The following ABHD17B variants were observed in gnomAD, a reference collection of about 807,000 sequenced individuals.
ABHD17B encodes the protein abhydrolase domain containing 17B, depalmitoylase, also known as alpha/beta hydrolase domain-containing protein 17B.
Under a neutral mutation model 26.2 loss-of-function variants are expected in ABHD17B, and 9 were observed. The ratio of observed to expected loss-of-function variants is 0.34; its 90% CI spans 0.21 to 0.60. ABHD17B has a LOEUF of 0.60. Among genes scored for constraint, ABHD17B ranks in the 20% least tolerant of loss-of-function variants. ABHD17B has a pLI of 0.80. For missense variants in ABHD17B, 224 were observed against 352.1 expected (o/e 0.64, Z 2.91); for synonymous variants, 127 against 122.3 (o/e 1.04, Z -0.25).
At chr9:71,875,230 CT>C (rs5898234) in intron 1 of ABHD17B, 147 bp from the exon 2 acceptor site, 1,463 of 472,772 alleles carry the variant, frequency 3.1e-3, no homozygotes, top group Non-Finnish European at 3.3e-3. Flanking sequence ...TTTTTGGCTT[CT>C]TTTTTTTTTT....
At chr9:71,880,775 A>G (rs1826417309) in intron 1 of ABHD17B, among the ~76,000 whole-genome samples, 1 of 152,110 alleles carries the variant, frequency 6.6e-6, no homozygotes, top group African/African-American at 2.4e-5. Flanking sequence ...GAAAAATTTT[A>G]AATAAGAACA....
chr9:71,904,646 G>A (rs1252854128), intron 1 of ABHD17B, among the ~76,000 whole-genome samples: 2 of 152,146 alleles, frequency 1.3e-5, no homozygotes, highest in Non-Finnish European at 2.9e-5. Flanking sequence ...TGATGATGCT[G>A]TAGTGGGTAA....
chr9:71,908,392 C>CAAAAA (rs371201006), intron 1 of ABHD17B, among the ~76,000 whole-genome samples: 3 of 39,798 alleles, frequency 7.5e-5, no homozygotes, highest in Admixed American at 5.2e-4. Context: ...AACTCCGTCT[C>CAAAAA]AAAAAAAAAA....
intron 1 of ABHD17B, among the ~76,000 whole-genome samples, chr9:71,901,152 A>T (rs1827126401): frequency 6.6e-6 from 1 of 151,856 alleles, no homozygotes; most frequent in Non-Finnish European, 1.5e-5. Context: ...ACTCTGTCTC[A>T]AAATAAATAA....
At chr9:71,895,410 A>G (rs922771564) in intron 1 of ABHD17B, among the ~76,000 whole-genome samples, 2 of 152,196 alleles carry the variant, frequency 1.3e-5, no homozygotes, top group Admixed American at 1.3e-4. Context: ...TTACTTGCCT[A>G]AAGACTATGT....
intron 1 of ABHD17B, among the ~76,000 whole-genome samples, chr9:71,893,933 C>CA (rs1180700279): frequency 6.6e-6 from 1 of 151,626 alleles, no homozygotes; most frequent in Admixed American, 6.6e-5. Flanking sequence ...AATAAAAATA[C>CA]AAAAAAATTA....
At chr9:71,900,512 T>C (rs1009296621) in intron 1 of ABHD17B, among the ~76,000 whole-genome samples, 14 of 151,718 alleles carry the variant, frequency 9.2e-5, no homozygotes, top group Non-Finnish European at 1.8e-4. Flanking sequence ...TAGCCAGGCG[T>C]GATGGCGTGT....
At chr9:71,877,937 C>G (rs1278511120) in intron 1 of ABHD17B, among the ~76,000 whole-genome samples, 2 of 152,042 alleles carry the variant, frequency 1.3e-5, no homozygotes, top group African/African-American at 4.8e-5. Flanking sequence ...ATAACTGGGG[C>G]TTATTTAATG....
chr9:71,882,649 T>G (rs111933889), intron 1 of ABHD17B, among the ~76,000 whole-genome samples: 7 of 149,194 alleles, frequency 4.7e-5, no homozygotes, highest in African/African-American at 1.7e-4. Flanking sequence ...CAGACTGAGA[T>G]TCCATTTCAA....
intron 1 of ABHD17B, among the ~76,000 whole-genome samples, chr9:71,900,888 G>A (rs1046563053): frequency 2.0e-5 from 3 of 152,040 alleles, no homozygotes; most frequent in Admixed American, 6.6e-5. Flanking sequence ...AGTGGCTCAC[G>A]CCTGTAATCC....
intron 2 of ABHD17B, 121 bp downstream of exon 2, chr9:71,874,493 A>T (rs1826202483): frequency 1.4e-6 from 1 of 695,812 alleles, no homozygotes. Context: ...GGTATATAAT[A>T]GTAAATATAA....
intron 1 of ABHD17B, among the ~76,000 whole-genome samples, chr9:71,896,862 T>C (rs889025209): frequency 1.3e-5 from 2 of 152,214 alleles, no homozygotes; most frequent in African/African-American, 2.4e-5. Flanking sequence ...AAGATCCTTT[T>C]TTCTGAGCTG....
intron 3 of ABHD17B, among the ~76,000 whole-genome samples, chr9:71,868,043 C>T (rs368473905): frequency 5.2e-4 from 36 of 69,690 alleles, no homozygotes; most frequent in African/African-American, 2.0e-3. Flanking sequence ...CCCGTCTCTA[C>T]TAAAAATACA....
intron 1 of ABHD17B, among the ~76,000 whole-genome samples, chr9:71,894,918 T>C (rs967501547): frequency 2.0e-5 from 3 of 152,224 alleles, no homozygotes; most frequent in African/African-American, 7.2e-5. Context: ...TTGTCCTTAT[T>C]AGTTTTGAAC....
chr9:71,869,016 T>A (rs1826037452), intron 3 of ABHD17B, among the ~76,000 whole-genome samples: 1 of 152,212 alleles, frequency 6.6e-6, no homozygotes, highest in Admixed American at 6.5e-5. Flanking sequence ...TGTTGCTCTC[T>A]GTTGGTGCAC....
In ABHD17B at chr9:71,907,110, C is replaced by G. The variant is rs562243159; in HGVS notation, c.-4+3524G>C. ...CTCTAGAAGTCTTACACAACAGATA[C>G]CTAACATATACAGGAATATTCCTTA... On this transcript the variant is annotated intron_variant, in intron 1 of 3. Transcript: ENST00000333421. 1.0e-3 allele frequency among the ~76,000 whole-genome samples: 153 copies of G among 152,168 alleles called. 1 individual carries two copies. The highest frequency in any genetic ancestry group is 1.7e-3 in the Non-Finnish European group (116 of 68,024).
At chr9:71,889,525 T>G (rs184555672) in intron 1 of ABHD17B, among the ~76,000 whole-genome samples, 1 of 152,234 alleles carries the variant, frequency 6.6e-6, no homozygotes, top group African/African-American at 2.4e-5. Context: ...GAGACTGATA[T>G]GGCAAATTAC....
chr9:71,894,021 G>A (rs565014015), intron 1 of ABHD17B, among the ~76,000 whole-genome samples: 2 of 132,440 alleles, frequency 1.5e-5, no homozygotes, highest in Admixed American at 9.0e-5. Flanking sequence ...ACCCAGGACA[G>A]CGCTTGCAGC....
At chr9:71,908,700 T>A (rs1827357893) in intron 1 of ABHD17B, among the ~76,000 whole-genome samples, 1 of 152,246 alleles carries the variant, frequency 6.6e-6, no homozygotes, top group Non-Finnish European at 1.5e-5. Context: ...ATTCTCCTTA[T>A]CTTTATGCTA....
Sources: allele counts gnomAD v4.1 joint callset (sites outside exome capture counted in the v4.1 genomes callset), GRCh38; gene constraint gnomAD v4.1.1; transcripts MANE v1.5; gene names NCBI Gene and HGNC (gene_info 2026-07-23, HGNC 2026-07-21).